MON2: variants seen among roughly 807,000 people sequenced by gnomAD.
MON2 encodes the protein protein MON2 homolog.
Under a neutral mutation model 208.6 loss-of-function variants are expected in MON2, and 84 were observed. The ratio of observed to expected loss-of-function variants is 0.40; its 90% CI spans 0.34 to 0.48. MON2 has a LOEUF of 0.48. Among genes scored for constraint, MON2 ranks in the 20% least tolerant of loss-of-function variants. The probability of loss-of-function intolerance (pLI) is 0.59; values close to 1 mark genes in which losing one functional copy is unlikely to be tolerated. For missense variants in MON2, 1,611 were observed against 2,015.4 expected, an observed-to-expected ratio of 0.80 and a Z score of 3.84; for synonymous variants, 660 against 694.0, an observed-to-expected ratio of 0.95 and a Z score of 0.77.
rs2075477604 is a variant in MON2 at position 62,594,356 on chromosome 12, T to C, written c.*1607T>C. ...TATCTGTAAAATGTAGTAAGGTCTTTGAGGGGATATTTTTTATTTACATGA... is the reference window on the plus strand; with the variant it reads ...TATCTGTAAAATGTAGTAAGGTCTTCGAGGGGATATTTTTTATTTACATGA... On this transcript the variant is annotated 3_prime_UTR_variant, in exon 35 of 35. Transcript: ENST00000393630. The C allele has an allele frequency of 6.6e-6, 1 of 152,208 alleles. No individual in the cohort carries two copies. Among genetic ancestry groups the C allele is most frequent in the South Asian group, 2.1e-4 (1 of 4,836 alleles). 9.4% of individuals were successfully genotyped at this position (152,208 alleles called of 1,614,324 possible).
chr12:62,588,548 A>G (rs2136500424), intron 34 of MON2, among the ~76,000 whole-genome samples: 1 of 152,230 alleles, frequency 6.6e-6, no homozygotes, highest in East Asian at 1.9e-4. Context: ...ACTTTGAATC[A>G]TTTTTACCAT....
intron 1 of MON2, among the ~76,000 whole-genome samples, chr12:62,481,132 C>T (rs1176128987): frequency 6.6e-6 from 1 of 152,206 alleles, no homozygotes; most frequent in Non-Finnish European, 1.5e-5. Context: ...ATCTCTATCA[C>T]TAACAATCTT....
chr12:62,564,995 A>C (rs975949658), intron 26 of MON2: 6 of 348,356 alleles, frequency 1.7e-5, no homozygotes, highest in African/African-American at 1.3e-4. Context: ...CCCTTTTTCT[A>C]TTCTTTTAAG....
intron 24 of MON2, chr12:62,553,421 CCTTT>C (rs1186919560): frequency 8.7e-6 from 3 of 343,508 alleles, no homozygotes; most frequent in East Asian, 9.8e-5. Flanking sequence ...TCTGCCTTTG[CCTTT>C]CTGTCTCCTT....
intron 1 of MON2, among the ~76,000 whole-genome samples, chr12:62,481,245 G>A (rs538135783): frequency 1.3e-4 from 20 of 151,992 alleles, no homozygotes; most frequent in Non-Finnish European, 2.5e-4. Flanking sequence ...CTGATGGCTC[G>A]GCCAGGCGTG....
intron 5 of MON2, 25 bp from the exon 6 acceptor site, chr12:62,500,758 A>G (rs2070783270): frequency 7.8e-7 from 1 of 1,281,300 alleles, no homozygotes; most frequent in Non-Finnish European, 1.1e-6. Context: ...ATGAACTCCT[A>G]AAACCCATCC....
intron 6 of MON2, 38 bp downstream of exon 6, chr12:62,500,918 A>T (rs757119506): frequency 1.1e-5 from 14 of 1,283,494 alleles, no homozygotes; most frequent in Non-Finnish European, 1.5e-5. Flanking sequence ...ATTCTAAAAT[A>T]TAGTTTTGTG....
At chr12:62,571,247 G>A (rs188296940) in intron 29 of MON2, 145 bp from the exon 30 acceptor site, 43 of 627,144 alleles carry the variant, frequency 6.9e-5, no homozygotes, top group Non-Finnish European at 9.1e-5. Context: ...GCCTTTCTGC[G>A]AAATAACATC....
chr12:62,538,551 A>G (rs749051144), intron 19 of MON2, 46 bp downstream of exon 19: 1 of 1,239,392 alleles, frequency 8.1e-7, no homozygotes, highest in Non-Finnish European at 1.2e-6. Flanking sequence ...CATTAGTTAT[A>G]TAAGATGTAC....
Position 62,592,954 on chromosome 12 carries a change from G to C in MON2, c.*205G>C. 1 of 446,804 alleles carries C rather than the reference G, an allele frequency of 2.2e-6. No individual in the cohort carries two copies. The highest frequency in any genetic ancestry group is 1.9e-5 in the African/African-American group (1 of 52,084). 27.7% of individuals were successfully genotyped at this position (446,804 alleles called of 1,614,324 possible). ...GCTCCTGAATGAACAGCAGTGTAAG[G>C]CTTTAATAAATTAAACTGATGGGAG... On this transcript the variant is annotated 3_prime_UTR_variant, in exon 35 of 35. Coordinates refer to ENST00000393630, the MANE Select transcript of MON2 (RefSeq NM_015026.3).
At chr12:62,573,998 C>T (rs566896414) in intron 30 of MON2, among the ~76,000 whole-genome samples, 6 of 152,136 alleles carry the variant, frequency 3.9e-5, no homozygotes, top group Non-Finnish European at 8.8e-5. Flanking sequence ...AGAGCATTGG[C>T]TTGGCAACCA....
chr12:62,503,853 C>T (rs957005268), intron 7 of MON2, among the ~76,000 whole-genome samples: 3 of 152,322 alleles, frequency 2.0e-5, no homozygotes, highest in African/African-American at 7.2e-5. Flanking sequence ...TTACCAGACA[C>T]ATCTTCCCCA....
intron 26 of MON2, among the ~76,000 whole-genome samples, chr12:62,562,756 A>C (rs1393762300): frequency 6.6e-6 from 1 of 152,170 alleles, no homozygotes; most frequent in Non-Finnish European, 1.5e-5. Flanking sequence ...CCTAAGAGAT[A>C]AACTGATTTC....
intron 11 of MON2, among the ~76,000 whole-genome samples, chr12:62,528,340 A>G (rs948375291): frequency 2.0e-5 from 3 of 152,188 alleles, no homozygotes; most frequent in Admixed American, 6.5e-5. Context: ...CTTAAGTGAT[A>G]TATAGATAGA....
intron 23 of MON2, among the ~76,000 whole-genome samples, chr12:62,550,791 T>G (rs1481575840): frequency 6.6e-6 from 1 of 152,156 alleles, no homozygotes; most frequent in Non-Finnish European, 1.5e-5. Context: ...AGAATTAGGG[T>G]CTTTCTCTGG....
intron 30 of MON2, among the ~76,000 whole-genome samples, chr12:62,572,457 C>T (rs2074628286): frequency 6.6e-6 from 1 of 152,126 alleles, no homozygotes; most frequent in Non-Finnish European, 1.5e-5. Context: ...TGGTGAAATT[C>T]TTTTCTGAGA....
chr12:62,494,785 C>T (rs755754598), intron 3 of MON2, among the ~76,000 whole-genome samples: 17 of 152,102 alleles, frequency 1.1e-4, no homozygotes, highest in Admixed American at 2.0e-4. Context: ...CTGCTTGCTG[C>T]TATTTGTATA....
At chr12:62,546,506 C>A (rs777273069) in intron 21 of MON2, among the ~76,000 whole-genome samples, 1 of 152,100 alleles carries the variant, frequency 6.6e-6, no homozygotes, top group Non-Finnish European at 1.5e-5. Context: ...GTAATCCCAG[C>A]ACCTTGGGAG....
intron 1 of MON2, among the ~76,000 whole-genome samples, chr12:62,480,679 G>A (rs1018195265): frequency 6.6e-6 from 1 of 152,214 alleles, no homozygotes. Flanking sequence ...AGGAAATCAG[G>A]ACTATGGCGA....
Sources: gnomAD v4.1 joint callset for allele counts (sites outside exome capture counted in the v4.1 genomes callset) on GRCh38, gnomAD v4.1.1 for gene constraint, MANE v1.5 for transcripts, NCBI Gene and HGNC (gene_info 2026-07-23, HGNC 2026-07-21) for gene names.